The following NMNAT3 variants were observed in gnomAD, a reference collection of about 807,000 sequenced individuals.
NMNAT3 encodes the protein nicotinamide/nicotinic acid mononucleotide adenylyltransferase 3.
A neutral mutation model predicts 24.8 loss-of-function variants in NMNAT3; 21 were observed. That is an observed-to-expected ratio of 0.85 (90% CI 0.60 to 1.22). The LOEUF is 1.22. Among genes scored for constraint, NMNAT3 ranks in the 50% most tolerant of loss-of-function variants. NMNAT3 has a pLI of 0.00. For missense variants in NMNAT3, 387 were observed against 436.6 expected (o/e 0.89, Z 1.01); for synonymous variants, 136 against 155.2 (o/e 0.88, Z 0.92).
chr3:139,667,422 C>T (rs1366854272), intron 1 of NMNAT3, among the ~76,000 whole-genome samples: 8 of 152,204 alleles, frequency 5.3e-5, no homozygotes, highest in Non-Finnish European at 4.4e-5. Context: ...AAATGTCCTT[C>T]GGATCATTTG....
intron 4 of NMNAT3, among the ~76,000 whole-genome samples, chr3:139,579,753 C>G (rs571761580): frequency 6.6e-5 from 10 of 152,310 alleles, no homozygotes; most frequent in South Asian, 6.2e-4. Flanking sequence ...ATTATTGCAG[C>G]TAGCCTAGTC....
chr3:139,571,392 C>T (rs1256595022), intron 6 of NMNAT3: 2 of 152,812 alleles, frequency 1.3e-5, no homozygotes, highest in Non-Finnish European at 2.9e-5. Flanking sequence ...GTGAGATGAA[C>T]CTGGTACCTC....
At chr3:139,614,758 A>G (rs1447341195) in intron 3 of NMNAT3, among the ~76,000 whole-genome samples, 1 of 152,224 alleles carries the variant, frequency 6.6e-6, no homozygotes, top group African/African-American at 2.4e-5. Flanking sequence ...TGTATCTGCT[A>G]CATTTCTCAG....
At chr3:139,583,547 T>G (rs1217793305) in intron 3 of NMNAT3, 7 of 918,112 alleles carry the variant, frequency 7.6e-6, no homozygotes, top group Non-Finnish European at 1.3e-5. Context: ...AAAGTTTGAA[T>G]TATTTTCTTC....
At chr3:139,651,412 A>G (rs62273069) in intron 1 of NMNAT3, among the ~76,000 whole-genome samples, 38,823 of 152,096 alleles carry the variant, frequency 0.26, 6,088 homozygotes, top group East Asian at 0.47. Flanking sequence ...AACTCCACCA[A>G]TGATTCCATA....
intron 3 of NMNAT3, among the ~76,000 whole-genome samples, chr3:139,585,005 CCTAT>C (rs2108135652): frequency 6.6e-6 from 1 of 151,576 alleles, no homozygotes; most frequent in South Asian, 2.1e-4. Flanking sequence ...CAGAATATGA[CCTAT>C]CTTAGTGAAT....
At chr3:139,595,524 G>C (rs541021700) in intron 3 of NMNAT3, among the ~76,000 whole-genome samples, 18 of 152,264 alleles carry the variant, frequency 1.2e-4, no homozygotes, top group African/African-American at 1.7e-4. Flanking sequence ...GCCAAAAGAA[G>C]AAATCTGGAG....
intron 2 of NMNAT3, chr3:139,634,646 C>G (rs188766971): frequency 1.3e-5 from 2 of 152,114 alleles, no homozygotes; most frequent in Non-Finnish European, 2.9e-5. Flanking sequence ...TGCCAGCCAC[C>G]CCTTGGAGGA....
chr3:139,575,775 G>A (rs895987824), intron 5 of NMNAT3: 31 of 1,156,442 alleles, frequency 2.7e-5, no homozygotes, highest in Non-Finnish European at 3.4e-5. Flanking sequence ...TGACCCTGGG[G>A]GCATGTTCTT....
intron 3 of NMNAT3, among the ~76,000 whole-genome samples, chr3:139,622,847 A>ATT (rs1252720682): frequency 1.7e-4 from 19 of 110,218 alleles, no homozygotes; most frequent in Admixed American, 3.3e-4. Context: ...TATTATATAT[A>ATT]TTATATATAT....
intron 6 of NMNAT3, chr3:139,567,340 A>G (rs1275637383): frequency 6.6e-6 from 1 of 152,178 alleles, no homozygotes; most frequent in African/African-American, 2.4e-5. Flanking sequence ...TCCTAACTGA[A>G]TACCCTTTAT....
chr3:139,564,539 C>T (rs923393836), intron 6 of NMNAT3, among the ~76,000 whole-genome samples: 3 of 152,152 alleles, frequency 2.0e-5, no homozygotes, highest in Non-Finnish European at 4.4e-5. Flanking sequence ...ATCATCCATC[C>T]CAAAGTGTCA....
chr3:139,654,639 C>G (rs1559958823), intron 1 of NMNAT3, among the ~76,000 whole-genome samples: 1 of 152,220 alleles, frequency 6.6e-6, no homozygotes, highest in Admixed American at 6.5e-5. Context: ...ATGATCCAAC[C>G]TAAGCCTATC....
chr3:139,593,222 A>T (rs1162680964), intron 3 of NMNAT3, among the ~76,000 whole-genome samples: 1 of 152,228 alleles, frequency 6.6e-6, no homozygotes, highest in Non-Finnish European at 1.5e-5. Context: ...AGAGACAAAG[A>T]AGGCCATTAC....
intron 3 of NMNAT3, among the ~76,000 whole-genome samples, chr3:139,586,192 AG>A: frequency 6.6e-6 from 1 of 152,308 alleles, no homozygotes; most frequent in South Asian, 2.1e-4. Context: ...ATGATCACAA[AG>A]AAGGGACCAA....
intron 3 of NMNAT3, among the ~76,000 whole-genome samples, chr3:139,618,891 T>C (rs1412950253): frequency 1.3e-5 from 2 of 152,150 alleles, no homozygotes; most frequent in East Asian, 3.9e-4. Context: ...AGTGGGTCCA[T>C]TCTCCTTTAT....
chr3:139,560,854 C>T lies in NMNAT3; in HGVS notation c.*156G>A, dbSNP rs1936284376. ...TTCCTCTCCTGTAAAGAAGGTATCT[C>T]TTCCTGGGACAGAAGACTCCTCAGA... On this transcript the variant is annotated 3_prime_UTR_variant, in exon 7 of 7. Transcript: ENST00000643695. The T allele has an allele frequency of 1.4e-6, 1 of 698,562 alleles. No homozygotes were observed. The highest frequency in any genetic ancestry group is 2.8e-5 in the Admixed American group (1 of 36,206). 43.3% of individuals were successfully genotyped at this position (698,562 alleles called of 1,614,324 possible).
chr3:139,568,979 G>C (rs1406619591), intron 6 of NMNAT3: 2 of 152,192 alleles, frequency 1.3e-5, no homozygotes, highest in South Asian at 4.1e-4. Flanking sequence ...GGGAGTCTAA[G>C]TCTCTTTGTA....
rs1017876418 is a variant in NMNAT3 at position 139,583,446 on chromosome 3, C to T, written c.110-238G>A. On this transcript the variant is annotated intron_variant, in intron 3 of 6. Coordinates refer to ENST00000643695, the MANE Select transcript of NMNAT3 (RefSeq NM_001320510.2). ...CATTTTGATCTCCCACTTTGCTGAG[C>T]TTTTTGAAGAACTTCTTGAGATGCT... The T allele has an allele frequency of 3.1e-6, 5 of 1,600,658 alleles. No homozygotes were observed. The South Asian group carries it at 5.5e-5, about 18-fold the overall frequency.
Sources: gnomAD v4.1 joint callset for allele counts (sites outside exome capture counted in the v4.1 genomes callset) on GRCh38, gnomAD v4.1.1 for gene constraint, MANE v1.5 for transcripts, NCBI Gene and HGNC (gene_info 2026-07-23, HGNC 2026-07-21) for gene names.